Variants in SGCZ observed in about 807,000 individuals in gnomAD.
The protein encoded by SGCZ is sarcoglycan zeta.
In SGCZ, 40 loss-of-function variants were observed where a neutral mutation model predicts 41.3. The observed-to-expected ratio is 0.97, with a 90% CI of 0.75 to 1.26. The LOEUF is 1.26. Among genes scored for constraint, SGCZ ranks in the 50% most tolerant of loss-of-function variants. The pLI, the probability that SGCZ is intolerant of heterozygous loss-of-function variation, is 0.00. For missense variants in SGCZ, 552 were observed against 369.8 expected (o/e 1.49, Z -4.04); for synonymous variants, 206 against 137.5 (o/e 1.50, Z -3.49).
intron 2 of SGCZ, among the ~76,000 whole-genome samples, chr8:14,391,041 A>G (rs1408501446): frequency 1.3e-5 from 2 of 152,110 alleles, no homozygotes; most frequent in African/African-American, 2.4e-5. Flanking sequence ...TAAATAAAAC[A>G]TAACATTAAG....
chr8:14,400,756 T>C (rs1371726174), intron 2 of SGCZ, among the ~76,000 whole-genome samples: 1 of 118,022 alleles, frequency 8.5e-6, no homozygotes, highest in Non-Finnish European at 1.7e-5. Context: ...TTGTAATCAA[T>C]AGTATTTTTT....
chr8:14,135,773 G>T (rs540892150), intron 5 of SGCZ, among the ~76,000 whole-genome samples: 1 of 152,054 alleles, frequency 6.6e-6, no homozygotes, highest in African/African-American at 2.4e-5. Context: ...AAACAGAAGA[G>T]GATAAAATAC....
chr8:15,102,502 A>G (rs1271520153), intron 1 of SGCZ, among the ~76,000 whole-genome samples: 2 of 152,232 alleles, frequency 1.3e-5, no homozygotes, highest in African/African-American at 2.4e-5. Context: ...AAAAGGAACT[A>G]TAGTGTAAAC....
intron 4 of SGCZ, among the ~76,000 whole-genome samples, chr8:14,183,109 C>G (rs116793756): frequency 0.03 from 4,498 of 150,874 alleles, 225 homozygotes; most frequent in African/African-American, 0.099. Context: ...CACATTATTA[C>G]AAATATTACA....
intron 1 of SGCZ, among the ~76,000 whole-genome samples, chr8:15,186,524 G>C (rs186748387): frequency 1.3e-5 from 2 of 152,132 alleles, no homozygotes; most frequent in East Asian, 3.9e-4. Context: ...TCTAAACAAA[G>C]ATCATCAGCA....
At chr8:14,440,946 G>C (rs1189831206) in intron 2 of SGCZ, among the ~76,000 whole-genome samples, 2 of 151,996 alleles carry the variant, frequency 1.3e-5, no homozygotes, top group East Asian at 1.9e-4. Context: ...GTCTAAGAAA[G>C]TCATGGAGAC....
chr8:14,173,750 G>A (rs1804459911), intron 4 of SGCZ, among the ~76,000 whole-genome samples: 1 of 131,066 alleles, frequency 7.6e-6, no homozygotes, highest in African/African-American at 2.4e-5. Flanking sequence ...TAGAGGAGAT[G>A]TACAGGAAAC....
intron 3 of SGCZ, among the ~76,000 whole-genome samples, chr8:14,241,983 T>C (rs964973033): frequency 6.6e-5 from 10 of 152,240 alleles, no homozygotes; most frequent in Non-Finnish European, 2.9e-5. Context: ...GCTTGTAATA[T>C]ATTCAGCACT....
intron 5 of SGCZ, among the ~76,000 whole-genome samples, chr8:14,111,004 A>G (rs1436779186): frequency 1.3e-5 from 2 of 152,192 alleles, no homozygotes; most frequent in South Asian, 2.1e-4. Flanking sequence ...CAGTGAGCTG[A>G]GATTGCACCA....
At chr8:14,471,665 T>C (rs1010641957) in intron 2 of SGCZ, among the ~76,000 whole-genome samples, 3 of 152,040 alleles carry the variant, frequency 2.0e-5, no homozygotes, top group Non-Finnish European at 4.4e-5. Context: ...TACATAAAGC[T>C]GAAAGCCAAT....
chr8:15,060,093 T>C (rs917801993), intron 1 of SGCZ, among the ~76,000 whole-genome samples: 14 of 152,172 alleles, frequency 9.2e-5, no homozygotes, highest in African/African-American at 2.7e-4. Flanking sequence ...AGTTCAACCA[T>C]TGTGGAAGTC....
intron 1 of SGCZ, among the ~76,000 whole-genome samples, chr8:14,641,282 C>T (rs530977973): frequency 2.0e-5 from 3 of 151,676 alleles, no homozygotes; most frequent in Non-Finnish European, 4.4e-5. Flanking sequence ...TATATGTACA[C>T]ATATAATATG....
At chr8:14,740,979 T>A (rs1219774672) in intron 1 of SGCZ, among the ~76,000 whole-genome samples, 1 of 152,064 alleles carries the variant, frequency 6.6e-6, no homozygotes, top group East Asian at 1.9e-4. Context: ...ATCAGCATAA[T>A]CTGCCATTAA....
chr8:14,207,334 T>A (rs1224481974), intron 4 of SGCZ, among the ~76,000 whole-genome samples: 1 of 152,188 alleles, frequency 6.6e-6, no homozygotes, highest in Non-Finnish European at 1.5e-5. Flanking sequence ...GTCAGTTCTT[T>A]AGTTCTACTT....
chr8:15,116,357 T>C (rs1245367679), intron 1 of SGCZ, among the ~76,000 whole-genome samples: 2 of 152,226 alleles, frequency 1.3e-5, no homozygotes, highest in East Asian at 1.9e-4. Context: ...CGGTATGAAA[T>C]AGTCCAATGA....
At chr8:14,951,651 C>T in intron 1 of SGCZ, among the ~76,000 whole-genome samples, 1 of 151,984 alleles carries the variant, frequency 6.6e-6, no homozygotes, top group East Asian at 1.9e-4. Flanking sequence ...ACTAAATGAT[C>T]ATTTGTAATT....
At chr8:14,200,236 G>C (rs1412506321) in intron 4 of SGCZ, among the ~76,000 whole-genome samples, 1 of 152,152 alleles carries the variant, frequency 6.6e-6, no homozygotes, top group Non-Finnish European at 1.5e-5. Flanking sequence ...TGGTGGGATA[G>C]ACTGTGTTCA....
rs566268356 is a variant in SGCZ at position 14,463,703 on chromosome 8, A to G, written c.234+91029T>C. Among the ~76,000 whole-genome samples the G allele has an allele frequency of 2.6e-5, 4 of 151,828 alleles. No individual in the cohort carries two copies. In the South Asian group the frequency reaches 8.3e-4, roughly 31 times the overall value. ...AAGGCACTATCAGGTCTTGTTCTTG[A>G]CCTAAAAGTAAAAGCATTTAGTCTT... On this transcript the variant is annotated intron_variant, in intron 2 of 7. Transcript: ENST00000382080.
At chr8:14,296,780 G>T (rs190968985) in intron 3 of SGCZ, among the ~76,000 whole-genome samples, 3 of 151,564 alleles carry the variant, frequency 2.0e-5, no homozygotes, top group South Asian at 2.1e-4. Context: ...ATAAAAGGGG[G>T]TCAAATAAAT....
Sources: gnomAD v4.1 joint callset for allele counts (sites outside exome capture counted in the v4.1 genomes callset) on GRCh38, gnomAD v4.1.1 for gene constraint, MANE v1.5 for transcripts, NCBI Gene and HGNC (gene_info 2026-07-23, HGNC 2026-07-21) for gene names.